SMYD3: variants seen among roughly 807,000 people sequenced by gnomAD.
The protein encoded by SMYD3 is SET and MYND domain containing 3.
SMYD3 carries 36 observed loss-of-function variants against 57.7 expected under a neutral mutation model. That is an observed-to-expected ratio of 0.62 (90% CI 0.48 to 0.82). SMYD3 has a LOEUF of 0.82. Ranked by LOEUF, SMYD3 falls within the 40% of genes least tolerant of loss-of-function variation. The probability of loss-of-function intolerance (pLI) is 0.00; values close to 1 mark genes in which losing one functional copy is unlikely to be tolerated. For missense variants in SMYD3, 515 were observed against 538.8 expected, an observed-to-expected ratio of 0.96 and a Z score of 0.44; for synonymous variants, 211 against 195.0, an observed-to-expected ratio of 1.08 and a Z score of -0.68.
At chr1:246,395,701 G>GT (rs1309060704) in intron 1 of SMYD3, among the ~76,000 whole-genome samples, 1 of 34,368 alleles carries the variant, frequency 2.9e-5, no homozygotes, top group Non-Finnish European at 9.3e-5. Flanking sequence ...ACCCACCATG[G>GT]CTGGACAGGG....
At chr1:246,246,413 T>C (rs1364880930) in intron 5 of SMYD3, among the ~76,000 whole-genome samples, 1 of 152,172 alleles carries the variant, frequency 6.6e-6, no homozygotes, top group Non-Finnish European at 1.5e-5. Flanking sequence ...TCTATTTGAG[T>C]AGCTAGGGCT....
At chr1:245,918,399 G>C (rs1050599253) in intron 7 of SMYD3, among the ~76,000 whole-genome samples, 1 of 152,098 alleles carries the variant, frequency 6.6e-6, no homozygotes, top group African/African-American at 2.4e-5. Context: ...AGAAGCTGGC[G>C]TCCCTTAAGG....
At chr1:245,808,606 G>C (rs1177079601) in intron 10 of SMYD3, among the ~76,000 whole-genome samples, 1 of 152,174 alleles carries the variant, frequency 6.6e-6, no homozygotes, top group East Asian at 1.9e-4. Context: ...GCACACACTG[G>C]CCTTCTCAAC....
At chr1:246,437,186 C>T (rs1248828731) in intron 1 of SMYD3, among the ~76,000 whole-genome samples, 1 of 152,126 alleles carries the variant, frequency 6.6e-6, no homozygotes, top group Non-Finnish European at 1.5e-5. Flanking sequence ...GAGTTTCTTA[C>T]TGTATCTGCA....
At chr1:245,813,381 A>C (rs1188942474) in intron 10 of SMYD3, among the ~76,000 whole-genome samples, 1 of 152,112 alleles carries the variant, frequency 6.6e-6, no homozygotes, top group Non-Finnish European at 1.5e-5. Flanking sequence ...GCAGCACACA[A>C]GCAAACCTCC....
intron 5 of SMYD3, among the ~76,000 whole-genome samples, chr1:246,321,391 T>G (rs936892096): frequency 6.6e-6 from 1 of 152,230 alleles, no homozygotes; most frequent in Admixed American, 6.5e-5. Context: ...GAAGTAGATA[T>G]TAGTATTTCC....
intron 5 of SMYD3, among the ~76,000 whole-genome samples, chr1:245,992,994 A>G (rs11579056): frequency 0.33 from 28,198 of 85,360 alleles, 7,433 homozygotes; most frequent in Non-Finnish European, 0.55. Flanking sequence ...GTCATGGATC[A>G]GCTACTCTAC....
At chr1:246,204,923 A>G (rs574266970) in intron 5 of SMYD3, among the ~76,000 whole-genome samples, 26 of 152,184 alleles carry the variant, frequency 1.7e-4, no homozygotes, top group Non-Finnish European at 3.1e-4. Flanking sequence ...ACATAACTTC[A>G]TTTGCAGGAG....
chr1:246,366,673 G>A (rs543232409), intron 1 of SMYD3, among the ~76,000 whole-genome samples: 1 of 152,152 alleles, frequency 6.6e-6, no homozygotes, highest in South Asian at 2.1e-4. Context: ...GCCAGGCACG[G>A]TAGCTCACGC....
intron 5 of SMYD3, among the ~76,000 whole-genome samples, chr1:246,139,717 G>A (rs532302386): frequency 2.6e-5 from 4 of 152,194 alleles, no homozygotes; most frequent in Admixed American, 2.6e-4. Context: ...ACAATGGTGG[G>A]TTATAGAAGG....
At chr1:245,981,532 T>G (rs1479014184) in intron 5 of SMYD3, among the ~76,000 whole-genome samples, 2 of 152,220 alleles carry the variant, frequency 1.3e-5, no homozygotes, top group African/African-American at 2.4e-5. Context: ...CGGTTTAAAT[T>G]TAAAGGTTCC....
rs531322380 is a variant in SMYD3 at position 246,356,222 on chromosome 1, A to G, written c.165-1128T>C. ...AATCACTGCAGTTTGGCTCTTGGGA[A>G]GCTCCATCCCTGGGGGAGGAGGGAG... is the stretch of plus-strand genomic sequence containing the variant. On this transcript the variant is annotated intron_variant, in intron 1 of 11. Transcript: ENST00000490107. 2.6e-5 allele frequency among the ~76,000 whole-genome samples: 4 copies of G among 152,272 alleles called. No homozygotes were observed. In the East Asian group the frequency reaches 5.8e-4, roughly 22 times the overall value.
At chr1:245,904,250 G>A (rs1028591581) in intron 8 of SMYD3, among the ~76,000 whole-genome samples, 6 of 152,130 alleles carry the variant, frequency 3.9e-5, no homozygotes, top group African/African-American at 1.2e-4. Context: ...TGCTCTTCCT[G>A]CTTTGCTCTT....
intron 5 of SMYD3, among the ~76,000 whole-genome samples, chr1:246,047,015 A>G (rs1048976590): frequency 1.1e-4 from 16 of 152,184 alleles, no homozygotes; most frequent in African/African-American, 3.9e-4. Flanking sequence ...CATATGAACA[A>G]AAAGATAAAC....
At chr1:246,022,678 A>T (rs6660625) in intron 5 of SMYD3, among the ~76,000 whole-genome samples, 27,156 of 152,232 alleles carry the variant, frequency 0.18, 2,986 homozygotes, top group East Asian at 0.56. Context: ...TGTTTCCAGC[A>T]AATTGTAGAT....
At chr1:246,307,256 T>C (rs2064994750) in intron 5 of SMYD3, among the ~76,000 whole-genome samples, 1 of 152,270 alleles carries the variant, frequency 6.6e-6, no homozygotes, top group East Asian at 1.9e-4. Context: ...AGATCCCAAA[T>C]CCTGAGTCAC....
intron 8 of SMYD3, among the ~76,000 whole-genome samples, chr1:245,868,116 T>C (rs1371629151): frequency 6.6e-6 from 1 of 152,274 alleles, no homozygotes; most frequent in Non-Finnish European, 1.5e-5. Context: ...GGTAATGATT[T>C]GATGTCTCTT....
At chr1:246,232,788 T>C (rs1427415683) in intron 5 of SMYD3, among the ~76,000 whole-genome samples, 1 of 134,446 alleles carries the variant, frequency 7.4e-6, no homozygotes, top group Non-Finnish European at 1.6e-5. Flanking sequence ...GATGAATATA[T>C]ACCACACAGA....
intron 10 of SMYD3, among the ~76,000 whole-genome samples, chr1:245,794,257 C>A (rs2047428583): frequency 6.6e-6 from 1 of 152,230 alleles, no homozygotes; most frequent in Non-Finnish European, 1.5e-5. Flanking sequence ...TTGTAATACA[C>A]ATTCTTTTTA....
Sources: gnomAD v4.1 joint callset for allele counts (sites outside exome capture counted in the v4.1 genomes callset) on GRCh38, gnomAD v4.1.1 for gene constraint, MANE v1.5 for transcripts, NCBI Gene and HGNC (gene_info 2026-07-23, HGNC 2026-07-21) for gene names.